The following SREBF2 variants were observed in gnomAD, a reference collection of about 807,000 sequenced individuals.
SREBF2 encodes sterol regulatory element-binding protein 2.
In SREBF2, 55 loss-of-function variants were observed where a neutral mutation model predicts 113.1. The observed-to-expected ratio is 0.49, with a 90% CI of 0.39 to 0.61. The LOEUF (loss-of-function observed/expected upper bound fraction) is 0.61. SREBF2 is among the 20% of genes least tolerant of loss of function. The probability of loss-of-function intolerance (pLI) is 0.00; values close to 1 mark genes in which losing one functional copy is unlikely to be tolerated. For synonymous variants in SREBF2, 593 were observed against 605.7 expected (o/e 0.98, Z 0.31); for missense variants, 1,349 against 1,487.4 (o/e 0.91, Z 1.53).
chr22:41,838,706 C>T lies in SREBF2; in HGVS notation c.88+5348C>T, dbSNP rs1240096222. ...CCAGATTGTGCCACTGTACTCCAGCCTAGGTGACAGAGCAAGACCTTGTCT... is the reference window on the plus strand; with the variant it reads ...CCAGATTGTGCCACTGTACTCCAGCTTAGGTGACAGAGCAAGACCTTGTCT... On this transcript the variant is annotated intron_variant, in intron 1 of 18. Transcript: ENST00000361204. Among the ~76,000 whole-genome samples the T allele has an allele frequency of 2.6e-5, 4 of 152,050 alleles. 1 individual carries two copies. Among genetic ancestry groups the T allele is most frequent in the Admixed American group, 2.6e-4 (4 of 15,268 alleles).
chr22:41,874,125 AC>A (rs1248925138), intron 5 of SREBF2, 106 bp downstream of exon 5: 5 of 1,145,088 alleles, frequency 4.4e-6, no homozygotes, highest in African/African-American at 3.1e-5. Context: ...TGAATACAAG[AC>A]CGAGTTAGAG....
chr22:41,840,513 G>A (rs1030414710), intron 1 of SREBF2, among the ~76,000 whole-genome samples: 10 of 152,174 alleles, frequency 6.6e-5, no homozygotes, highest in Admixed American at 5.9e-4. Context: ...CTGAGAAAGA[G>A]TACATTTAGG....
chr22:41,887,247 A>G (rs888623124), intron 11 of SREBF2, among the ~76,000 whole-genome samples: 1 of 152,174 alleles, frequency 6.6e-6, no homozygotes, highest in African/African-American at 2.4e-5. Flanking sequence ...TACAATATGC[A>G]TGTCAAAAAG....
chr22:41,860,874 T>C (rs543236979), intron 1 of SREBF2, among the ~76,000 whole-genome samples: 1 of 151,934 alleles, frequency 6.6e-6, no homozygotes, highest in Admixed American at 6.6e-5. Flanking sequence ...AGCAAGACCC[T>C]GTCTCAAAAA....
intron 3 of SREBF2, among the ~76,000 whole-genome samples, chr22:41,869,330 G>A (rs79408453): frequency 6.6e-6 from 1 of 150,598 alleles, no homozygotes; most frequent in African/African-American, 2.4e-5. Context: ...TTCTGACCTT[G>A]TGATCCACCC....
Position 41,866,943 on chromosome 22 carries a change from T to TGGCAGCAGCAGCAGCAGC in SREBF2, c.202_219dup (p.Gly68_Ser73dup), listed in dbSNP as rs1556040099. The TGGCAGCAGCAGCAGCAGC allele has an allele frequency of 1.9e-6, 3 of 1,613,408 alleles. No individual in the cohort carries two copies. The East Asian group carries it at 6.7e-5, about 36-fold the overall frequency. On this transcript the variant is annotated inframe_insertion, in exon 2 of 19. Transcript: ENST00000361204. ...GTAGTGGTAGCAGCAGCGGCAGCAG[T>TGGCAGCAGCAGCAGCAGC]GGCAGCAGCAGCAGCAGCAGCAATG...
chr22:41,837,087 G>C (rs1380229482), intron 1 of SREBF2, among the ~76,000 whole-genome samples: 1 of 152,176 alleles, frequency 6.6e-6, no homozygotes, highest in East Asian at 1.9e-4. Flanking sequence ...AATACAAGTT[G>C]AGTAAAATAA....
rs2077514267 is a variant in SREBF2, at chr22:41,906,943, C to A, written c.*1283C>A. On this transcript the variant is annotated 3_prime_UTR_variant, in exon 19 of 19. Transcript: ENST00000361204. Reference sequence around the variant, plus strand: ...TCCCATGGCCTCCTGAGTGATGGGCCCTGCCTCCCTGTGCCTCATCCTCAG... The same window carrying A: ...TCCCATGGCCTCCTGAGTGATGGGCACTGCCTCCCTGTGCCTCATCCTCAG... The A allele has an allele frequency of 6.6e-6, 1 of 152,186 alleles. No individual in the cohort carries two copies. The allele number at this position is 152,186 out of a possible 1,614,324, so 9.4% of individuals were successfully genotyped here.
chr22:41,893,429 T>A, intron 12 of SREBF2, 144 bp downstream of exon 12: 1 of 1,003,496 alleles, frequency 1.0e-6, no homozygotes, highest in Non-Finnish European at 1.5e-6. Flanking sequence ...TTTGTTTGTT[T>A]GAACCAAAGC....
rs1473284620 is a variant in SREBF2, at chr22:41,900,499, G to A, written c.2907+1G>A. The A allele has an allele frequency of 8.7e-6, 14 of 1,612,614 alleles. No homozygotes were observed. Among genetic ancestry groups the A allele is most frequent in the Admixed American group, 1.7e-5 (1 of 60,006 alleles). On this transcript the variant is annotated splice_donor_variant, in intron 16 of 18. Coordinates refer to ENST00000361204, the MANE Select transcript of SREBF2 (RefSeq NM_004599.4). LOFTEE classifies it high-confidence loss of function. ...CACCTCTGACCCTGCCCTCAACCAC[G>A]TGAGTGGGAGCTGAGTTGGCCCCTG...
At chr22:41,853,799 G>C (rs987562031) in intron 1 of SREBF2, among the ~76,000 whole-genome samples, 9 of 152,116 alleles carry the variant, frequency 5.9e-5, no homozygotes, top group Admixed American at 1.3e-4. Flanking sequence ...ACTTTGGGAG[G>C]CCGCGGCAGG....
Position 41,905,805 on chromosome 22 carries a change from C to A in SREBF2, c.*145C>A. On this transcript the variant is annotated 3_prime_UTR_variant, in exon 19 of 19. Coordinates refer to ENST00000361204, the MANE Select transcript of SREBF2 (RefSeq NM_004599.4). Reference sequence around the variant, plus strand: ...TCTGGGCCACTCAGGCCAGTGCACCCCTGGGCAGAGCCCCTTAAAGCTGCT... The same window carrying A: ...TCTGGGCCACTCAGGCCAGTGCACCACTGGGCAGAGCCCCTTAAAGCTGCT... The A allele has an allele frequency of 1.1e-6, 1 of 922,812 alleles. No individual in the cohort carries two copies. 57.2% of individuals were successfully genotyped at this position (922,812 alleles called of 1,614,324 possible). A position where few individuals can be genotyped will look rare whatever the true frequency, so the allele number is the denominator to read the frequency against.
At chr22:41,864,563 G>C (rs1024820596) in intron 1 of SREBF2, among the ~76,000 whole-genome samples, 1 of 150,218 alleles carries the variant, frequency 6.7e-6, no homozygotes, top group African/African-American at 2.5e-5. Context: ...CTTGTGATCC[G>C]CACGCCTTGG....
chr22:41,845,070 A>G (rs867725796), intron 1 of SREBF2, among the ~76,000 whole-genome samples: 4 of 151,836 alleles, frequency 2.6e-5, no homozygotes. Flanking sequence ...AGCTGGGATT[A>G]CAGGTGTGTG....
At chr22:41,895,887 C>T (rs1361553034) in intron 13 of SREBF2, among the ~76,000 whole-genome samples, 3 of 151,860 alleles carry the variant, frequency 2.0e-5, no homozygotes, top group Non-Finnish European at 2.9e-5. Flanking sequence ...CGTCTGTAAT[C>T]CCAGCACTTT....
chr22:41,878,634 G>C, intron 9 of SREBF2: 1 of 1,291,562 alleles, frequency 7.7e-7, no homozygotes. Flanking sequence ...AAAACTAGCT[G>C]AAAGTTTTCA....
chr22:41,867,602 T>C (rs575855523), intron 2 of SREBF2, among the ~76,000 whole-genome samples: 8 of 152,076 alleles, frequency 5.3e-5, no homozygotes, highest in South Asian at 4.2e-4. Flanking sequence ...GTCAGGAGAT[T>C]GAGACCATCC....
chr22:41,881,917 C>T (rs777800371), intron 10 of SREBF2, among the ~76,000 whole-genome samples: 3 of 151,882 alleles, frequency 2.0e-5, no homozygotes, highest in Non-Finnish European at 2.9e-5. Context: ...ACAAAAAATA[C>T]AAAAATTAGC....
intron 4 of SREBF2, among the ~76,000 whole-genome samples, chr22:41,871,898 C>CAA (rs34718352): frequency 0.14 from 14,923 of 103,522 alleles, 1,261 homozygotes; most frequent in Admixed American, 0.34. Context: ...GACTGACTCT[C>CAA]AAAAAAAAAA....
Sources: allele counts gnomAD v4.1 joint callset (sites outside exome capture counted in the v4.1 genomes callset), GRCh38; gene constraint gnomAD v4.1.1; transcripts MANE v1.5; gene names NCBI Gene and HGNC (gene_info 2026-07-23, HGNC 2026-07-21).